Variants in MS4A6A observed in about 807,000 individuals in gnomAD.
The protein encoded by MS4A6A is membrane spanning 4-domains A6A.
MS4A6A carries 19 observed loss-of-function variants against 20.6 expected under a neutral mutation model. The ratio of observed to expected loss-of-function variants is 0.92; its 90% CI spans 0.64 to 1.36. MS4A6A has a LOEUF of 1.36. Ranked by LOEUF, MS4A6A falls within the 40% of genes most tolerant of loss-of-function variation. The pLI is 0.00. For synonymous variants in MS4A6A, 108 were observed against 105.0 expected (o/e 1.03, Z -0.17); for missense variants, 272 against 261.1 (o/e 1.04, Z -0.29).
At position 60,175,412 on chromosome 11, in the gene MS4A6A, G is replaced by C. The variant is rs567739603; in HGVS notation, c.539C>G (p.Ala180Gly). 1 of 1,611,384 alleles carries C rather than the reference G, an allele frequency of 6.2e-7. No individual in the cohort carries two copies. The highest frequency in any genetic ancestry group is 1.1e-5 in the South Asian group (1 of 90,996). The change falls in exon 5 of 6, where the codon GCC (alanine) becomes GGC (glycine). Residue 180 changes from alanine (A) to glycine (G), a missense_variant. By Grantham distance (60) the Ala-to-Gly change is moderately conservative. Coordinates refer to ENST00000528851, the MANE Select transcript of MS4A6A (RefSeq NM_022349.4). ...TCTAAAAATACTTACAGCCAGACTG[G>C]CTTTGGCTGTATAGCAGTCCGTGGT... ...LYTTDCYTAK[A>G]SLAGTLSLML...
chr11:60,173,477 C>T (rs1205894373), intron 5 of MS4A6A, among the ~76,000 whole-genome samples: 2 of 152,218 alleles, frequency 1.3e-5, no homozygotes, highest in Admixed American at 6.5e-5. Flanking sequence ...ATCAGCAGCT[C>T]CGTTCCAGTC....
intron 4 of MS4A6A, 148 bp downstream of exon 4, chr11:60,178,112 G>A (rs908962819): frequency 1.4e-6 from 1 of 703,856 alleles, no homozygotes; most frequent in Non-Finnish European, 2.5e-6. Context: ...GGATACAGAG[G>A]ATCCAGGCCC....
At chr11:60,172,332 GTA>G, downstream of MS4A6A, 1 of 1,548,014 alleles carries the variant, frequency 6.5e-7, no homozygotes, top group South Asian at 1.2e-5. Context: ...TTTTCCAACT[GTA>G]TACATAGAAT....
chr11:60,179,793 C>G (rs751125562), intron 3 of MS4A6A, 38 bp downstream of exon 3: 4 of 1,613,572 alleles, frequency 2.5e-6, no homozygotes, highest in Admixed American at 3.3e-5. Flanking sequence ...TTCCTCCCCT[C>G]TTTGCCCCAT....
rs1181900670 is a variant in MS4A6A at position 60,180,028 on chromosome 11, G to T, written c.148-63C>A. On this transcript the variant is annotated intron_variant, in intron 2 of 5. Transcript: ENST00000528851. The stretch of plus-strand genomic sequence containing the variant: ...GCATTTGTAAAGACAGGGCCTTTTT[G>T]CCGCTCCCATGGCACTAATGCATTA... 12 of 1,542,636 alleles carry T rather than the reference G, an allele frequency of 7.8e-6. No individual in the cohort carries two copies. In the East Asian group the frequency reaches 2.7e-4, roughly 35 times the overall value.
rs116493566 is a variant in MS4A6A, at chr11:60,179,618, G to C, written c.282+213C>G. 3,951 of 635,636 alleles carry C rather than the reference G, an allele frequency of 6.2e-3. 120 individuals are homozygous for C. The African/African-American group carries it at 0.064, about 10-fold the overall frequency. 39.4% of individuals were successfully genotyped at this position (635,636 alleles called of 1,614,324 possible). ...AAGATGATAATGTGAAGAATAAGAT[G>C]ATCTTCAAAAGAAATGTTTATTTGA... is the stretch of plus-strand genomic sequence containing the variant. On this transcript the variant is annotated intron_variant, in intron 3 of 5. Coordinates refer to ENST00000528851, the MANE Select transcript of MS4A6A (RefSeq NM_022349.4).
chr11:60,180,156 CCA>C (rs1299245257), intron 2 of MS4A6A, 191 bp from the exon 3 acceptor site: 2 of 618,218 alleles, frequency 3.2e-6, no homozygotes, highest in African/African-American at 3.7e-5. Context: ...GCCACAGAAG[CCA>C]CAGTCTCAGG....
At position 60,179,925 on chromosome 11, in the gene MS4A6A, C is replaced by G. The variant is rs142312942; in HGVS notation, c.188G>C (p.Gly63Ala). The G allele has an allele frequency of 1.7e-5, 28 of 1,614,052 alleles. No individual in the cohort carries two copies. In the East Asian group the frequency reaches 1.8e-4, roughly 10 times the overall value. ...GAAGGAAGCAGATGCCAAAATGATC[C>G]CCAAGCTCAATACCATCATGCCACA... ...ILCGMMVLSL[G>A]IILASASFSP... The change falls in exon 3 of 6, where the codon GGG becomes GCG. Residue 63 changes from glycine (G) to alanine (A), a missense_variant. By Grantham distance (60) the Gly-to-Ala change is moderately conservative (BLOSUM62 0). Transcript: ENST00000528851.
intron 1 of MS4A6A, 116 bp downstream of exon 1, chr11:60,182,862 C>T: frequency 2.5e-6 from 1 of 398,766 alleles, no homozygotes; most frequent in Non-Finnish European, 4.0e-6. Flanking sequence ...CACTCTATTT[C>T]CAAAAGGCCC....
chr11:60,179,764 A>T lies in MS4A6A; in HGVS notation c.282+67T>A, dbSNP rs761556260. On this transcript the variant is annotated intron_variant, in intron 3 of 5. Coordinates refer to ENST00000528851, the MANE Select transcript of MS4A6A (RefSeq NM_022349.4). ...AAACATAGCAAGCTGGCAGGTGGGAAGTCTAAGCTATTGGCATCTTCCTCC... is the reference window on the plus strand; with the variant it reads ...AAACATAGCAAGCTGGCAGGTGGGATGTCTAAGCTATTGGCATCTTCCTCC... The T allele has an allele frequency of 3.8e-6, 6 of 1,573,202 alleles. No individual in the cohort carries two copies. The Admixed American group carries it at 8.3e-5, about 22-fold the overall frequency.
Position 60,182,996 on chromosome 11 carries a change from G to C in MS4A6A, c.-33C>G. The C allele has an allele frequency of 7.2e-7, 1 of 1,395,006 alleles. No homozygotes were observed. Among genetic ancestry groups the C allele is most frequent in the Non-Finnish European group, 9.2e-7 (1 of 1,081,324 alleles). 86.4% of individuals were successfully genotyped at this position (1,395,006 alleles called of 1,614,324 possible). A position where few individuals can be genotyped will look rare whatever the true frequency, so the allele number is the denominator to read the frequency against. ...TACCTACCTGTGCCCGTTGGTTCCA[G>C]CTGAGTCCTCAGAAGCTCCAAAGAG... On this transcript the variant is annotated 5_prime_UTR_variant, in exon 1 of 6. Transcript: ENST00000528851.
chr11:60,181,832 T>A lies in MS4A6A; in HGVS notation c.-14-91A>T, dbSNP rs557022917. ...CAGTAACTCAGTCTTTGCCAATTAG[T>A]CTAGGCTTGGCCTGTCCATTAGAGA... On this transcript the variant is annotated intron_variant, in intron 1 of 5. Transcript: ENST00000528851. The A allele has an allele frequency of 8.8e-5, 113 of 1,289,440 alleles. No homozygotes were observed. The African/African-American group carries it at 1.6e-3, about 18-fold the overall frequency. 79.9% of individuals were successfully genotyped at this position (1,289,440 alleles called of 1,614,324 possible).
Position 60,179,920 on chromosome 11 carries a change from T to C in MS4A6A, c.193A>G (p.Ile65Val). Residue 65 changes from isoleucine to valine, a missense_variant, in exon 3 of 6, where the codon ATT becomes GTT. Coordinates refer to ENST00000528851, the MANE Select transcript of MS4A6A (RefSeq NM_022349.4). ...GGAGAGAAGGAAGCAGATGCCAAAA[T>C]GATCCCCAAGCTCAATACCATCATG... is the stretch of plus-strand genomic sequence containing the variant. ...CGMMVLSLGI[I>V]LASASFSPNF... 2.5e-6 allele frequency: 4 copies of C among 1,614,162 alleles called. No homozygotes were observed. The highest frequency in any genetic ancestry group is 3.4e-6 in the Non-Finnish European group (4 of 1,180,018).
chr11:60,175,370 A>AAGATT lies in MS4A6A; in HGVS notation c.549+27_549+31dup, dbSNP rs572040709. 622 of 1,528,264 alleles carry AAGATT rather than the reference A, an allele frequency of 4.1e-4. 2 individuals carry two copies. The African/African-American group carries it at 7.5e-3, about 18-fold the overall frequency. 94.7% of individuals were successfully genotyped at this position (1,528,264 alleles called of 1,614,324 possible). A position where few individuals can be genotyped will look rare whatever the true frequency, so the allele number is the denominator to read the frequency against. On this transcript the variant is annotated intron_variant, in intron 5 of 5. Transcript: ENST00000528851. The stretch of plus-strand genomic sequence containing the variant: ...AAATCAAGGCTTTTGAATACCTCAT[A>AAGATT]AGATTAGAACATCCCATCTAAAAAT...
At position 60,183,036 on chromosome 11, in the gene MS4A6A, T is replaced by C. The variant is rs192834214; in HGVS notation, c.-73A>G. ...GCTCCAAAGAGGTTTTAACTCTGGT[T>C]TCTCAGTCCCATCAACGGTTTCTAC... is the stretch of plus-strand genomic sequence containing the variant. On this transcript the variant is annotated 5_prime_UTR_variant, in exon 1 of 6. Transcript: ENST00000528851. 14 of 1,439,666 alleles carry C rather than the reference T, an allele frequency of 9.7e-6. No homozygotes were observed. In the East Asian group the frequency reaches 3.2e-4, roughly 33 times the overall value. 89.2% of individuals were successfully genotyped at this position (1,439,666 alleles called of 1,614,324 possible).
chr11:60,173,169 A>G, intron 5 of MS4A6A, 40 bp from the exon 6 acceptor site: 1 of 1,582,128 alleles, frequency 6.3e-7, no homozygotes, highest in Non-Finnish European at 8.7e-7. Context: ...TGCTTAGGTC[A>G]GCTGAAGCCT....
chr11:60,183,047 A>G lies in MS4A6A; in HGVS notation c.-84T>C. On this transcript the variant is annotated 5_prime_UTR_variant, in exon 1 of 6. The change abolishes an upstream ATG in the 5' untranslated region. Transcript: ENST00000528851. ...GTTTTAACTCTGGTTTCTCAGTCCC[A>G]TCAACGGTTTCTACTTACCTTCATC... The G allele has an allele frequency of 6.8e-7, 1 of 1,469,252 alleles. No homozygotes were observed. The highest frequency in any genetic ancestry group is 8.9e-7 in the Non-Finnish European group (1 of 1,118,306). The allele number at this position is 1,469,252 out of a possible 1,614,324, so 91.0% of individuals were successfully genotyped here. A position where few individuals can be genotyped will look rare whatever the true frequency, so the allele number is the denominator to read the frequency against.
rs555833200 is a variant in MS4A6A at position 60,178,147 on chromosome 11, A to G, written c.339+113T>C. Reference sequence around the variant, plus strand: ...CAGCTCCTAATTCTAACAACAACCAACTGCTCTGGAACTGAGTTTTCAACT... The same window carrying G: ...CAGCTCCTAATTCTAACAACAACCAGCTGCTCTGGAACTGAGTTTTCAACT... On this transcript the variant is annotated intron_variant, in intron 4 of 5. Coordinates refer to ENST00000528851, the MANE Select transcript of MS4A6A (RefSeq NM_022349.4). 2.2e-4 allele frequency: 207 copies of G among 930,726 alleles called. 2 individuals are homozygous for G. The South Asian group carries it at 2.6e-3, about 12-fold the overall frequency. 57.7% of individuals were successfully genotyped at this position (930,726 alleles called of 1,614,324 possible).
Position 60,172,768 on chromosome 11 carries a change from C to T in MS4A6A, c.*233G>A, listed in dbSNP as rs1856644223. The T allele has an allele frequency of 1.5e-6, 2 of 1,297,762 alleles. No homozygotes were observed. The highest frequency in any genetic ancestry group is 2.0e-6 in the Non-Finnish European group (2 of 1,012,414). 80.4% of individuals were successfully genotyped at this position (1,297,762 alleles called of 1,614,324 possible). A position where few individuals can be genotyped will look rare whatever the true frequency, so the allele number is the denominator to read the frequency against. On this transcript the variant is annotated 3_prime_UTR_variant, in exon 6 of 6. Coordinates refer to ENST00000528851, the MANE Select transcript of MS4A6A (RefSeq NM_022349.4). The stretch of plus-strand genomic sequence containing the variant: ...CATTTAACTTCCCAGAGTCTCATTC[C>T]CTTCGCTGACAAAATAGGAAGATTG...
Sources: gnomAD v4.1 joint callset for allele counts (sites outside exome capture counted in the v4.1 genomes callset) on GRCh38, gnomAD v4.1.1 for gene constraint, MANE v1.5 for transcripts, NCBI Gene and HGNC (gene_info 2026-07-23, HGNC 2026-07-21) for gene names.